SLC27A2: variants seen among roughly 807,000 people sequenced by gnomAD.
SLC27A2 encodes long-chain fatty acid transport protein 2.
A neutral mutation model predicts 60.0 loss-of-function variants in SLC27A2; 54 were observed. The ratio of observed to expected loss-of-function variants is 0.90; its 90% confidence interval spans 0.72 to 1.13. The LOEUF (loss-of-function observed/expected upper bound fraction) is 1.13, where lower values mean the gene tolerates loss of function less well. Among genes scored for constraint, SLC27A2 ranks in the 50% most tolerant of loss-of-function variants. The pLI is 0.00. For missense variants in SLC27A2, 739 were observed against 777.6 expected, an observed-to-expected ratio of 0.95 and a Z score of 0.59; for synonymous variants, 297 against 297.6, an observed-to-expected ratio of 1.00 and a Z score of 0.02.
At chr15:50,229,131 G>A (rs1056994260) in intron 8 of SLC27A2, 89 bp downstream of exon 8, 75 of 801,692 alleles carry the variant, frequency 9.4e-5, no homozygotes, top group East Asian at 6.2e-4. Context: ...GCTTTCTCCC[G>A]CCATCCAGAG....
At chr15:50,232,382 C>A (rs1287211650) in intron 8 of SLC27A2, among the ~76,000 whole-genome samples, 1 of 152,032 alleles carries the variant, frequency 6.6e-6, no homozygotes, top group Non-Finnish European at 1.5e-5. Context: ...GCTAGTGCAA[C>A]TAAGGAACTG....
intron 1 of SLC27A2, among the ~76,000 whole-genome samples, chr15:50,185,503 G>A (rs983560674): frequency 1.3e-5 from 2 of 151,854 alleles, no homozygotes; most frequent in Admixed American, 6.5e-5. Context: ...GGTGTTGGAA[G>A]GGACCTTAGA....
intron 4 of SLC27A2, among the ~76,000 whole-genome samples, chr15:50,218,305 G>T (rs2094935841): frequency 6.6e-6 from 1 of 152,062 alleles, no homozygotes. Context: ...GTCATAAAGG[G>T]AGAGTAGATA....
At chr15:50,219,385 T>C (rs2045227339) in intron 4 of SLC27A2, among the ~76,000 whole-genome samples, 1 of 152,180 alleles carries the variant, frequency 6.6e-6, no homozygotes, top group Admixed American at 6.5e-5. Context: ...TATTTGTTTC[T>C]TATCTTACAC....
chr15:50,193,995 CA>C (rs1286646218), intron 1 of SLC27A2, among the ~76,000 whole-genome samples: 2 of 151,966 alleles, frequency 1.3e-5, no homozygotes, highest in African/African-American at 4.8e-5. Flanking sequence ...ATCATCTCTA[CA>C]AAAAGTTAGC....
intron 8 of SLC27A2, among the ~76,000 whole-genome samples, chr15:50,231,174 C>T (rs1469472089): frequency 3.0e-5 from 4 of 131,472 alleles, no homozygotes; most frequent in South Asian, 2.4e-4. Flanking sequence ...GACGGAGTTT[C>T]GCTCTCGTTG....
At chr15:50,198,196 T>C (rs2045039451) in intron 2 of SLC27A2, 1 of 152,654 alleles carries the variant, frequency 6.6e-6, no homozygotes, top group Admixed American at 6.5e-5. Context: ...GGGGTGGCTG[T>C]AGCATAAGAC....
At chr15:50,229,945 A>G (rs115873047) in intron 8 of SLC27A2, among the ~76,000 whole-genome samples, 21 of 152,232 alleles carry the variant, frequency 1.4e-4, no homozygotes, top group Non-Finnish European at 2.5e-4. Flanking sequence ...TTTTTTAAAG[A>G]ATATTCAAGG....
intron 6 of SLC27A2, 92 bp downstream of exon 6, chr15:50,226,170 A>G: frequency 1.3e-6 from 1 of 789,412 alleles, no homozygotes; most frequent in South Asian, 1.7e-5. Flanking sequence ...ACATGGTAAA[A>G]TTTATCAGAG....
intron 4 of SLC27A2, among the ~76,000 whole-genome samples, chr15:50,217,233 CAAG>C (rs917040530): frequency 1.3e-5 from 2 of 152,030 alleles, no homozygotes; most frequent in Non-Finnish European, 2.9e-5. Context: ...TCGGTACCCC[CAAG>C]AACTTATGGA....
At chr15:50,234,885 G>A (rs2045339979) in intron 9 of SLC27A2, among the ~76,000 whole-genome samples, 1 of 152,182 alleles carries the variant, frequency 6.6e-6, no homozygotes, top group Admixed American at 6.5e-5. Flanking sequence ...GGTGAGTCCT[G>A]ACAGATAGCG....
At chr15:50,202,702 G>A in intron 3 of SLC27A2, 57 bp downstream of exon 3, 1 of 1,579,122 alleles carries the variant, frequency 6.3e-7, no homozygotes, top group Admixed American at 1.7e-5. Context: ...TTCCCAGAAG[G>A]AACAGTAATA....
chr15:50,236,215 C>T lies in SLC27A2; in HGVS notation c.*119C>T. ...GGAAATTTTGTAGGAAATTTGCATACCCGTAAAGGGAGACTTTTTTAAATA... is the reference window on the plus strand; with the variant it reads ...GGAAATTTTGTAGGAAATTTGCATATCCGTAAAGGGAGACTTTTTTAAATA... On this transcript the variant is annotated 3_prime_UTR_variant, in exon 10 of 10. Transcript: ENST00000267842. 1.2e-6 allele frequency: 1 copy of T among 801,002 alleles called. No homozygotes were observed. Among genetic ancestry groups the T allele is most frequent in the Admixed American group, 2.8e-5 (1 of 35,166 alleles). The allele number at this position is 801,002 out of a possible 1,614,324, so 49.6% of individuals were successfully genotyped here.
intron 1 of SLC27A2, among the ~76,000 whole-genome samples, chr15:50,185,617 CTTACT>C (rs1301866466): frequency 1.5e-5 from 2 of 133,990 alleles, no homozygotes; most frequent in African/African-American, 5.8e-5. Context: ...ACCTAGGAAG[CTTACT>C]TTTTTTTTTT....
chr15:50,230,468 G>A (rs1195938760), intron 8 of SLC27A2, among the ~76,000 whole-genome samples: 8 of 152,038 alleles, frequency 5.3e-5, no homozygotes, highest in African/African-American at 1.7e-4. Context: ...ACTTGAACCC[G>A]GGAGATGGAG....
intron 5 of SLC27A2, among the ~76,000 whole-genome samples, chr15:50,224,538 A>T (rs1207018078): frequency 6.6e-6 from 1 of 152,226 alleles, no homozygotes; most frequent in Non-Finnish European, 1.5e-5. Flanking sequence ...AGCCGTAATG[A>T]TGATAATCAC....
chr15:50,229,670 A>C (rs1034034597), intron 8 of SLC27A2, among the ~76,000 whole-genome samples: 5 of 152,200 alleles, frequency 3.3e-5, no homozygotes, highest in African/African-American at 1.2e-4. Flanking sequence ...TAAGCTTGTC[A>C]AGAGAACAAA....
chr15:50,204,528 T>C (rs1468970697), intron 3 of SLC27A2, among the ~76,000 whole-genome samples: 1 of 151,700 alleles, frequency 6.6e-6, no homozygotes, highest in African/African-American at 2.4e-5. Flanking sequence ...GGTCAGGAGA[T>C]TGAGACCATC....
intron 2 of SLC27A2, among the ~76,000 whole-genome samples, chr15:50,199,741 CA>C (rs2045050468): frequency 6.6e-6 from 1 of 151,932 alleles, no homozygotes; most frequent in Admixed American, 6.6e-5. Flanking sequence ...CCAGGCTGGG[CA>C]ACATAGCGAG....
Sources: allele counts gnomAD v4.1 joint callset (sites outside exome capture counted in the v4.1 genomes callset), GRCh38; gene constraint gnomAD v4.1.1; transcripts MANE v1.5; gene names NCBI Gene and HGNC (gene_info 2026-07-23, HGNC 2026-07-21).